The following DMD variants were observed in gnomAD, a reference collection of about 807,000 sequenced individuals.
DMD encodes dystrophin.
DMD carries 63 observed loss-of-function variants against 330.1 expected under a neutral mutation model. The ratio of observed to expected loss-of-function variants is 0.19; its 90% CI spans 0.16 to 0.24. DMD has a LOEUF of 0.24. Ranked by LOEUF, DMD falls within the 10% of genes least tolerant of loss-of-function variation. The pLI is 1.00. For missense variants in DMD, 3,344 were observed against 2,684.1 expected, an observed-to-expected ratio of 1.25 and a Z score of -5.43; for synonymous variants, 1,223 against 959.8, an observed-to-expected ratio of 1.27 and a Z score of -5.07.
chrX:32,298,080 G>A (rs1357303097), intron 42 of DMD, among the ~76,000 whole-genome samples: 2 of 109,276 alleles, frequency 1.8e-5, no homozygotes, highest in Non-Finnish European at 3.8e-5. Context: ...CTTTGAGGGG[G>A]ATGGGGAGCA....
chrX:32,733,588 T>C (rs2068014854), intron 7 of DMD, among the ~76,000 whole-genome samples: 2 of 111,282 alleles, frequency 1.8e-5, no homozygotes, highest in Admixed American at 9.5e-5. Context: ...GCAATCAAAC[T>C]AGAACTCAGA....
chrX:32,497,590 G>T (rs866900024), intron 19 of DMD, among the ~76,000 whole-genome samples: 2 of 111,821 alleles, frequency 1.8e-5, no homozygotes, highest in Non-Finnish European at 1.9e-5. Context: ...GTTTTGATAT[G>T]GTCATCTTTT....
At chrX:31,595,530 T>C (rs2077071172) in intron 55 of DMD, among the ~76,000 whole-genome samples, 1 of 111,283 alleles carries the variant, frequency 9.0e-6, no homozygotes, top group Admixed American at 9.6e-5. Flanking sequence ...TGGCAGTACA[T>C]TCCTTCCAAA....
intron 17 of DMD, among the ~76,000 whole-genome samples, chrX:32,527,264 T>C (rs1234133990): frequency 4.5e-5 from 5 of 112,326 alleles, no homozygotes; most frequent in Admixed American, 9.4e-5. Flanking sequence ...GGAACAAAAC[T>C]ATAATTATTC....
At chrX:32,096,608 G>A (rs1040350614) in intron 44 of DMD, among the ~76,000 whole-genome samples, 7 of 109,187 alleles carry the variant, frequency 6.4e-5, no homozygotes, top group African/African-American at 2.3e-4. Flanking sequence ...TCACAGTGAC[G>A]GGCCTGAGCA....
intron 76 of DMD, among the ~76,000 whole-genome samples, chrX:31,139,474 T>TACACACACACACACAC (rs57784155): frequency 1.0e-5 from 1 of 98,583 alleles, no homozygotes; most frequent in African/African-American, 3.8e-5. Flanking sequence ...GGTGTTTATA[T>TACACACACACACACAC]ACACACACAC....
chrX:31,632,008 A>C (rs2148451476), intron 54 of DMD, among the ~76,000 whole-genome samples: 1 of 111,763 alleles, frequency 8.9e-6, no homozygotes, highest in South Asian at 3.8e-4. Flanking sequence ...ACAACTGCAC[A>C]TGAAGGTAAA....
At chrX:32,631,343 A>G (rs373579230) in intron 11 of DMD, among the ~76,000 whole-genome samples, 1 of 111,200 alleles carries the variant, frequency 9.0e-6, no homozygotes, top group African/African-American at 3.3e-5. Context: ...GCTATCACCT[A>G]CATTCACTCA....
At chrX:32,224,350 G>A (rs2097140848) in intron 43 of DMD, among the ~76,000 whole-genome samples, 1 of 110,418 alleles carries the variant, frequency 9.1e-6, no homozygotes, top group East Asian at 2.8e-4. Flanking sequence ...TTTTTCTCAT[G>A]TCAGTTTTTA....
At chrX:32,857,257 A>G (rs2081652635) in intron 2 of DMD, among the ~76,000 whole-genome samples, 1 of 112,071 alleles carries the variant, frequency 8.9e-6, no homozygotes, top group African/African-American at 3.2e-5. Context: ...CAACTTTACT[A>G]TACATAATAT....
chrX:33,055,195 A>G (rs978687565), intron 1 of DMD, among the ~76,000 whole-genome samples: 2 of 111,615 alleles, frequency 1.8e-5, no homozygotes, highest in Non-Finnish European at 3.8e-5. Flanking sequence ...CTTAGAAGCC[A>G]GGGAAGAAGA....
At chrX:31,182,974 G>A in intron 67 of DMD, 70 bp from the exon 68 acceptor site, 2 of 901,367 alleles carry the variant, frequency 2.2e-6, no homozygotes, top group Non-Finnish European at 3.2e-6. Context: ...TGGCAAAGGA[G>A]GTGTATATCA....
intron 55 of DMD, among the ~76,000 whole-genome samples, chrX:31,621,103 C>T (rs558624755): frequency 9.0e-6 from 1 of 111,695 alleles, no homozygotes; most frequent in South Asian, 3.8e-4. Context: ...CTTGACTTTG[C>T]TCCTCACAAC....
In DMD at chrX:31,531,887, A is replaced by G. The variant is rs1454068266; in HGVS notation, c.8218-24434T>C. ...ATCAACTGGAAGAAAGGGTATCAGC[A>G]ATGGAAGATGAAATGAATGAAATGA... On this transcript the variant is annotated intron_variant, in intron 55 of 78. Transcript: ENST00000357033. Among the ~76,000 whole-genome samples, 32 of 92,215 alleles carry G rather than the reference A, an allele frequency of 3.5e-4. 1 individual carries two copies. The South Asian group carries it at 0.01, about 30-fold the overall frequency. The allele number at this position is 92,215 out of a possible 115,157, so 80.1% of individuals were successfully genotyped here.
In DMD at chrX:32,939,802, T is replaced by C. The variant is rs72626060; in HGVS notation, c.93+80337A>G. On this transcript the variant is annotated intron_variant, in intron 2 of 78. Transcript: ENST00000357033. ...CAAATCAAGTATGCAATCCCATTTA[T>C]AATAGCCATAAAAAATAAAAGAGGT... 0.01 allele frequency among the ~76,000 whole-genome samples: 1,148 copies of C among 111,091 alleles called. 47 individuals are homozygous for C. In the East Asian group the frequency reaches 0.17, roughly 16 times the overall value.
At chrX:32,828,934 AAT>A (rs1169066923) in intron 4 of DMD, among the ~76,000 whole-genome samples, 1 of 111,327 alleles carries the variant, frequency 9.0e-6, no homozygotes, top group Non-Finnish European at 1.9e-5. Flanking sequence ...ATTGTCTGTT[AAT>A]ATGTTTTGCT....
At chrX:32,611,373 G>C (rs2057159767) in intron 12 of DMD, among the ~76,000 whole-genome samples, 1 of 110,866 alleles carries the variant, frequency 9.0e-6, no homozygotes. Context: ...GAGGTAAAAT[G>C]TTACATAATC....
intron 63 of DMD, among the ~76,000 whole-genome samples, chrX:31,227,140 C>A (rs1159144579): frequency 9.0e-6 from 1 of 111,094 alleles, no homozygotes; most frequent in African/African-American, 3.3e-5. Context: ...TCTCTTATGA[C>A]CCCAATTCTA....
rs1198313614 is a variant in DMD at position 32,491,359 on chromosome X, G to C, written c.2540C>G (p.Thr847Ser). ...NQLQQLEQMTTTAENWLKIQP... is the reference protein window; with the variant it reads ...NQLQQLEQMTSTAENWLKIQP... ...GATTTTCAACCAGTTTTCAGCAGTA[G>C]TTGTCATCTGCTCCAATTGTTGTAG... The change falls in exon 20 of 79, where the codon ACT (threonine) becomes AGT (serine). Residue 847 changes from threonine to serine, a missense_variant. Coordinates refer to ENST00000357033, the MANE Select transcript of DMD (RefSeq NM_004006.3). The C allele has an allele frequency of 1.2e-5, 14 of 1,209,337 alleles. No individual in the cohort carries two copies. Among genetic ancestry groups the C allele is most frequent in the Non-Finnish European group, 1.6e-5 (14 of 894,913 alleles).
Sources: gnomAD v4.1 joint callset for allele counts (sites outside exome capture counted in the v4.1 genomes callset) on GRCh38, gnomAD v4.1.1 for gene constraint, MANE v1.5 for transcripts, NCBI Gene and HGNC (gene_info 2026-07-23, HGNC 2026-07-21) for gene names.